Variants in TRPM7 observed in about 807,000 individuals in gnomAD.
TRPM7 encodes the protein LTRPC ion channel family member 7.
Under a neutral mutation model 229.7 loss-of-function variants are expected in TRPM7, and 134 were observed. The observed-to-expected ratio is 0.58, with a 90% CI of 0.51 to 0.67. The LOEUF is 0.67. Ranked by LOEUF, TRPM7 falls within the 30% of genes least tolerant of loss-of-function variation. TRPM7 has a pLI of 0.00. For synonymous variants in TRPM7, 699 were observed against 715.2 expected (o/e 0.98, Z 0.36); for missense variants, 1,901 against 2,210.0 (o/e 0.86, Z 2.80).
intron 16 of TRPM7, among the ~76,000 whole-genome samples, chr15:50,612,090 G>A (rs916489694): frequency 2.6e-5 from 4 of 152,076 alleles, no homozygotes; most frequent in Non-Finnish European, 5.9e-5. Context: ...AATGAATTCT[G>A]GCATTTCTTC....
rs759026492 is a variant in TRPM7 at position 50,657,764 on chromosome 15, A to T, written c.122+17T>A. 3.4e-5 allele frequency: 54 copies of T among 1,610,122 alleles called. No homozygotes were observed. Among genetic ancestry groups the T allele is most frequent in the Non-Finnish European group, 4.5e-5 (53 of 1,177,316 alleles). On this transcript the variant is annotated intron_variant, in intron 3 of 38. Transcript: ENST00000646667. ...TTATTTTCCGAAATTTGTGCGGTATAGTTATGTTAAACTTACCTGACGAGT... is the reference window on the plus strand; with the variant it reads ...TTATTTTCCGAAATTTGTGCGGTATTGTTATGTTAAACTTACCTGACGAGT...
At chr15:50,657,038 A>T (rs1216099782) in intron 3 of TRPM7, among the ~76,000 whole-genome samples, 1 of 152,080 alleles carries the variant, frequency 6.6e-6, no homozygotes, top group Non-Finnish European at 1.5e-5. Context: ...CAAAAAATAA[A>T]ATCAGCCGGG....
intron 37 of TRPM7, 27 bp from the exon 38 acceptor site, chr15:50,570,020 A>G: frequency 5.0e-6 from 8 of 1,593,970 alleles, no homozygotes; most frequent in Non-Finnish European, 6.8e-6. Context: ...TTTAAAAAAA[A>G]CAACAAAAAA....
chr15:50,632,978 G>C lies in TRPM7; in HGVS notation c.1022C>G (p.Ala341Gly). The C allele has an allele frequency of 6.3e-7, 1 of 1,583,366 alleles. No individual in the cohort carries two copies. Among genetic ancestry groups the C allele is most frequent in the Non-Finnish European group, 8.5e-7 (1 of 1,171,588 alleles). The change falls in exon 9 of 39, where the codon GCA becomes GGA. Residue 341 changes from alanine to glycine, a missense_variant. Ala to Gly is a moderately conservative substitution (Grantham distance 60). Around this residue, in one of 8 missense-constraint regions of TRPM7, gnomAD observed 794 missense variants for 881.9 expected, o/e 0.90. Coordinates refer to ENST00000646667, the MANE Select transcript of TRPM7 (RefSeq NM_017672.6). ...AGTGGAAATAATATCGGGCTCTGCT[G>C]CATCAGGAAGATTCCTGGAATAAAA... ...QTEEGGNLPD[A>G]AEPDIISTIK...
intron 31 of TRPM7, among the ~76,000 whole-genome samples, chr15:50,576,301 G>T (rs1392989628): frequency 6.6e-6 from 1 of 152,120 alleles, no homozygotes; most frequent in African/African-American, 2.4e-5. Flanking sequence ...TGAACTTCTG[G>T]AATGTGAAAC....
At chr15:50,627,483 G>T (rs1567037719) in intron 11 of TRPM7, among the ~76,000 whole-genome samples, 1 of 152,144 alleles carries the variant, frequency 6.6e-6, no homozygotes. Flanking sequence ...TATGTTCAAA[G>T]AAGAGCAAGA....
chr15:50,564,980 G>C (rs2053528904), intron 38 of TRPM7, among the ~76,000 whole-genome samples: 1 of 151,442 alleles, frequency 6.6e-6, no homozygotes, highest in Non-Finnish European at 1.5e-5. Flanking sequence ...TCTAGAAAAT[G>C]AAGGATCTGG....
chr15:50,686,470 T>C, intron 1 of TRPM7, 61 bp downstream of exon 1: 1 of 1,613,766 alleles, frequency 6.2e-7, no homozygotes, highest in South Asian at 1.1e-5. Context: ...CTGCCAAGTC[T>C]CTCCTTTACC....
intron 17 of TRPM7, among the ~76,000 whole-genome samples, chr15:50,610,811 C>T (rs2060045087): frequency 6.6e-6 from 1 of 151,976 alleles, no homozygotes; most frequent in Admixed American, 6.6e-5. Flanking sequence ...TTTTTCAAGG[C>T]TGCTAGGGGC....
chr15:50,655,961 T>G lies in TRPM7; in HGVS notation c.122+1820A>C, dbSNP rs185259901. On this transcript the variant is annotated intron_variant, in intron 3 of 38. Transcript: ENST00000646667. ...GCTGAGATCGCACCACTGTATGCCA[T>G]CTAGCCTGGGCAACAGGGCAAGACT... Among the ~76,000 whole-genome samples, 7 of 149,812 alleles carry G rather than the reference T, an allele frequency of 4.7e-5. No individual in the cohort carries two copies. In the East Asian group the frequency reaches 1.4e-3, roughly 29 times the overall value.
At chr15:50,635,084 A>G (rs2060848796) in intron 7 of TRPM7, among the ~76,000 whole-genome samples, 1 of 151,666 alleles carries the variant, frequency 6.6e-6, no homozygotes, top group Non-Finnish European at 1.5e-5. Context: ...TTCGGAGACC[A>G]AGATGGACGG....
At chr15:50,628,997 C>T (rs1234129709) in intron 10 of TRPM7, among the ~76,000 whole-genome samples, 1 of 152,146 alleles carries the variant, frequency 6.6e-6, no homozygotes, top group African/African-American at 2.4e-5. Context: ...ATACATAAAT[C>T]TCCCTTATAT....
chr15:50,614,016 C>T, intron 14 of TRPM7, 107 bp downstream of exon 14: 1 of 1,366,538 alleles, frequency 7.3e-7, no homozygotes, highest in Non-Finnish European at 1.0e-6. Flanking sequence ...AAATGTTCAA[C>T]TTTATGACAG....
At chr15:50,664,065 T>C (rs936314854) in intron 1 of TRPM7, among the ~76,000 whole-genome samples, 11 of 152,058 alleles carry the variant, frequency 7.2e-5, no homozygotes, top group Admixed American at 4.6e-4. Flanking sequence ...TTTGGGAGGC[T>C]GAGGTGGGCG....
At chr15:50,629,058 T>C (rs2060648710) in intron 10 of TRPM7, among the ~76,000 whole-genome samples, 1 of 152,226 alleles carries the variant, frequency 6.6e-6, no homozygotes, top group South Asian at 2.1e-4. Context: ...ATGGTAGATA[T>C]TCAGGTTATT....
Position 50,686,790 on chromosome 15 carries a change from C to G in TRPM7, c.-257G>C. Reference sequence around the variant, plus strand: ...GCGCCCGCCTCCGCCGGCGACGGGGCTGGGGACGGACCACGTGAGCGGCGC... The same window carrying G: ...GCGCCCGCCTCCGCCGGCGACGGGGGTGGGGACGGACCACGTGAGCGGCGC... On this transcript the variant is annotated 5_prime_UTR_variant, in exon 1 of 39. Coordinates refer to ENST00000646667, the MANE Select transcript of TRPM7 (RefSeq NM_017672.6). The G allele has an allele frequency of 2.6e-6, 1 of 387,748 alleles. No individual in the cohort carries two copies. The allele number at this position is 387,748 out of a possible 1,614,324, so 24.0% of individuals were successfully genotyped here.
chr15:50,635,525 T>A (rs915670629), intron 7 of TRPM7, among the ~76,000 whole-genome samples: 2 of 149,388 alleles, frequency 1.3e-5, no homozygotes, highest in African/African-American at 4.9e-5. Context: ...TAGCCGGGCA[T>A]GGTGGCATGC....
At chr15:50,662,050 T>C (rs1453149449) in intron 2 of TRPM7, among the ~76,000 whole-genome samples, 1 of 151,718 alleles carries the variant, frequency 6.6e-6, no homozygotes, top group African/African-American at 2.4e-5. Flanking sequence ...AAACCCTGTT[T>C]CTACTAAAAA....
intron 23 of TRPM7, among the ~76,000 whole-genome samples, chr15:50,594,837 T>G (rs564388162): frequency 5.5e-4 from 84 of 152,268 alleles, no homozygotes; most frequent in Admixed American, 3.1e-3. Flanking sequence ...ATTTAAAATA[T>G]TGTATGTAAA....
Sources: gnomAD v4.1 joint callset for allele counts (sites outside exome capture counted in the v4.1 genomes callset) on GRCh38, gnomAD v4.1.1 for gene constraint, gnomAD v4.1.1 regional missense constraint, MANE v1.5 for transcripts, NCBI Gene and HGNC (gene_info 2026-07-23, HGNC 2026-07-21) for gene names.